INTS1: variants seen among roughly 807,000 people sequenced by gnomAD.
INTS1 encodes integrator complex subunit 1.
A neutral mutation model predicts 241.6 loss-of-function variants in INTS1; 137 were observed. That is an observed-to-expected ratio of 0.57 (90% CI 0.49 to 0.65). The LOEUF (loss-of-function observed/expected upper bound fraction) is 0.65. INTS1 is among the 30% of genes least tolerant of loss of function. The pLI is 0.00. For synonymous variants in INTS1, 1,692 were observed against 1,337.8 expected (o/e 1.26, Z -5.78); for missense variants, 3,073 against 3,032.2 (o/e 1.01, Z -0.32).
chr7:1,473,536 G>T, intron 42 of INTS1, 30 bp downstream of exon 42: 1 of 1,565,400 alleles, frequency 6.4e-7, no homozygotes, highest in Non-Finnish European at 8.6e-7. Context: ...CCGGAGGCCC[G>T]AGGCTTCCCT....
chr7:1,474,718 G>C lies in INTS1; in HGVS notation c.5623C>G (p.Leu1875Val), dbSNP rs1781630674. The change falls in exon 40 of 48, where the codon CTG becomes GTG. Residue 1875 changes from leucine to valine, a missense_variant. Leu to Val is a conservative substitution (Grantham distance 32, BLOSUM62 1). Coordinates refer to ENST00000404767, the MANE Select transcript of INTS1 (RefSeq NM_001080453.3). ...CTGGGACAGCACCTGAGCAGCAGCA[G>C]CGGGTGCGCCACCGCCAGCTTCCGG... is the stretch of plus-strand genomic sequence containing the variant. ...ACRKLAVAHP[L>V]LLLRHLPMIA... The C allele has an allele frequency of 6.4e-7, 1 of 1,561,050 alleles. No homozygotes were observed. The highest frequency in any genetic ancestry group is 1.4e-5 in the African/African-American group (1 of 73,650).
chr7:1,485,518 G>A (rs1446551612), intron 22 of INTS1, 49 bp from the exon 23 acceptor site: 1 of 1,580,518 alleles, frequency 6.3e-7, no homozygotes, highest in Non-Finnish European at 8.6e-7. Context: ...GTGCAGGCAG[G>A]GTCTCACCCT....
chr7:1,479,400 C>T (rs1292021994), intron 31 of INTS1, 30 bp downstream of exon 31: 22 of 1,551,712 alleles, frequency 1.4e-5, no homozygotes, highest in Non-Finnish European at 1.7e-5. Flanking sequence ...CACTGCCCTC[C>T]TCCCCCGCAA....
rs1158853465 is a variant in INTS1 at position 1,486,493 on chromosome 7, G to A, written c.2976+132C>T. Reference sequence around the variant, plus strand: ...TTGGCCAGGCTGGTCTCCAACTCCTGACCTCAGGTAATCTGCCTGCCTTGG... The same window carrying A: ...TTGGCCAGGCTGGTCTCCAACTCCTAACCTCAGGTAATCTGCCTGCCTTGG... On this transcript the variant is annotated intron_variant, in intron 22 of 47. Coordinates refer to ENST00000404767, the MANE Select transcript of INTS1 (RefSeq NM_001080453.3). 3 of 997,764 alleles carry A rather than the reference G, an allele frequency of 3.0e-6. No individual in the cohort carries two copies. In the Admixed American group the frequency reaches 8.0e-5, roughly 27 times the overall value. The allele number at this position is 997,764 out of a possible 1,614,324, so 61.8% of individuals were successfully genotyped here.
chr7:1,499,188 G>A (rs1783021432), intron 7 of INTS1, 27 bp from the exon 8 acceptor site: 1 of 1,605,334 alleles, frequency 6.2e-7, no homozygotes, highest in Non-Finnish European at 8.5e-7. Flanking sequence ...AGCGAGGAGG[G>A]AGGAAGGTGG....
intron 8 of INTS1, 32 bp downstream of exon 8, chr7:1,498,943 G>GGCCGCCCCCCCCCCCCC: frequency 9.3e-7 from 1 of 1,070,748 alleles, no homozygotes; most frequent in Non-Finnish European, 1.3e-6. Flanking sequence ...CCCACCCCCT[G>GGCCGCCCCCCCCCCCCC]CCCCGCCCAC....
intron 18 of INTS1, 144 bp from the exon 19 acceptor site, chr7:1,488,101 T>C (rs1299673308): frequency 2.4e-6 from 2 of 826,626 alleles, no homozygotes; most frequent in African/African-American, 3.4e-5. Flanking sequence ...GGGCGCCCGG[T>C]AGCATCCATG....
Position 1,481,013 on chromosome 7 carries a change from T to A in INTS1, c.3851-80A>T. The stretch of plus-strand genomic sequence containing the variant: ...CCTTCCCTCTCCACAGAAACCAGAG[T>A]TGGAGATGCCCCCACCGTCACCAGC... On this transcript the variant is annotated intron_variant, in intron 28 of 47. Coordinates refer to ENST00000404767, the MANE Select transcript of INTS1 (RefSeq NM_001080453.3). This position sits in a 1 kb window ranked among gnomAD's most constrained non-coding sequence, Gnocchi z 6.8. 9.6e-7 allele frequency: 1 copy of A among 1,045,740 alleles called. No individual in the cohort carries two copies. The highest frequency in any genetic ancestry group is 2.5e-5 in the East Asian group (1 of 39,758). 64.8% of individuals were successfully genotyped at this position (1,045,740 alleles called of 1,614,324 possible).
Position 1,477,879 on chromosome 7 carries a change from A to G in INTS1, c.4688T>C (p.Phe1563Ser). Residue 1563 changes from phenylalanine (F) to serine (S), a missense_variant, in exon 34 of 48, where the codon TTC becomes TCC. Phe to Ser is a radical substitution (Grantham distance 155, BLOSUM62 -2). Transcript: ENST00000404767. ...GGCAGCATCCGCAGTGGCAGAGAAG[A>G]ATGCAGTCAGCAGCTCCTCCAGGTG... ...SPHLEELLTA[F>S]FSATADAASP... is the part of the protein sequence containing the mutation. The G allele has an allele frequency of 6.2e-7, 1 of 1,612,604 alleles. No individual in the cohort carries two copies. Among genetic ancestry groups the G allele is most frequent in the Non-Finnish European group, 8.5e-7 (1 of 1,179,850 alleles).
In INTS1 at chr7:1,481,379, G is replaced by T; in HGVS notation, c.3813C>A (p.His1271Gln). The T allele has an allele frequency of 1.2e-6, 2 of 1,613,036 alleles. No individual in the cohort carries two copies. Among genetic ancestry groups the T allele is most frequent in the Non-Finnish European group, 1.7e-6 (2 of 1,179,776 alleles). ...LLQFLDQAVA[H>Q]DPQTLEQNIM... ...TGTTCTGCTCCAGAGTCTGGGGGTC[G>T]TGGGCCACTGCCTGGTCCAGGAACT... Residue 1271 changes from histidine to glutamine, a missense_variant, in exon 28 of 48, where the codon CAC (histidine) becomes CAA (glutamine). Physicochemically the swap from His to Gln is conservative, Grantham distance 24. Coordinates refer to ENST00000404767, the MANE Select transcript of INTS1 (RefSeq NM_001080453.3). This position sits in a 1 kb window ranked among gnomAD's most constrained non-coding sequence, Gnocchi z 6.8.
chr7:1,483,711 G>T, intron 26 of INTS1, 31 bp downstream of exon 26: 1 of 1,564,286 alleles, frequency 6.4e-7, no homozygotes, highest in Non-Finnish European at 8.8e-7. Context: ...CTGGCACGAA[G>T]CTGCCCCTCC....
At chr7:1,488,308 G>A (rs1308149489) in intron 18 of INTS1, among the ~76,000 whole-genome samples, 2 of 152,158 alleles carry the variant, frequency 1.3e-5, no homozygotes, top group Non-Finnish European at 2.9e-5. Context: ...AGCCATGTAG[G>A]CTCTGCCCGC....
At chr7:1,486,555 G>A (rs1429302087) in intron 22 of INTS1, 70 bp downstream of exon 22, 22 of 1,518,032 alleles carry the variant, frequency 1.4e-5, no homozygotes, top group Admixed American at 3.9e-5. Flanking sequence ...GTGAGCCACC[G>A]TGCCCGGTCC....
At chr7:1,486,351 C>T (rs577014821) in intron 22 of INTS1, among the ~76,000 whole-genome samples, 1 of 152,096 alleles carries the variant, frequency 6.6e-6, no homozygotes, top group African/African-American at 2.4e-5. Flanking sequence ...TCAACCTCCG[C>T]CTCCTAGGTA....
intron 25 of INTS1, 53 bp from the exon 26 acceptor site, chr7:1,483,906 C>G: frequency 1.3e-6 from 2 of 1,586,422 alleles, no homozygotes; most frequent in Non-Finnish European, 1.7e-6. Flanking sequence ...CCTGAGCCAG[C>G]GCCGAGGGTA....
chr7:1,493,027 G>A lies in INTS1; in HGVS notation c.2148C>T (p.Asn716=). Residue 716 remains asparagine (N), a synonymous_variant, in exon 16 of 48, where the codon AAC becomes AAT. Transcript: ENST00000404767. The surrounding 1 kb of genome is among the most constrained non-coding windows in gnomAD (Gnocchi z 5.3). ...GGGCTTACCCCGGTGGGAGCTGGAT[G>A]TTTTCAGGGTGATGGTAGGTGCACA... The part of the protein sequence containing the change: ...LNLCTYHHPE[N]IQLPPGYQPP... 1 of 1,613,324 alleles carries A rather than the reference G, an allele frequency of 6.2e-7. No individual in the cohort carries two copies. Among genetic ancestry groups the A allele is most frequent in the Non-Finnish European group, 8.5e-7 (1 of 1,179,506 alleles).
intron 2 of INTS1, 38 bp downstream of exon 2, chr7:1,503,865 A>C: frequency 3.0e-5 from 43 of 1,422,000 alleles, no homozygotes; most frequent in East Asian, 8.2e-5. Flanking sequence ...AAAGACCCCC[A>C]AAGACCCCCG....
chr7:1,502,846 T>C, intron 3 of INTS1, 55 bp downstream of exon 3: 1 of 1,594,540 alleles, frequency 6.3e-7, no homozygotes, highest in Non-Finnish European at 8.6e-7. Flanking sequence ...CCTGAACACC[T>C]GATGGACGGC....
intron 12 of INTS1, 25 bp from the exon 13 acceptor site, chr7:1,495,578 G>A: frequency 1.3e-6 from 2 of 1,594,420 alleles, no homozygotes; most frequent in Non-Finnish European, 1.7e-6. Flanking sequence ...CAGCTTAGTG[G>A]CCCATCCGAG....
Sources: gnomAD v4.1 joint callset for allele counts (sites outside exome capture counted in the v4.1 genomes callset) on GRCh38, gnomAD v4.1.1 for gene constraint, Gnocchi (gnomAD v3.1) non-coding constraint, MANE v1.5 for transcripts, NCBI Gene and HGNC (gene_info 2026-07-23, HGNC 2026-07-21) for gene names.